Variants in SP4 observed in about 807,000 individuals in gnomAD.
SP4 encodes transcription factor Sp4.
SP4 carries 19 observed loss-of-function variants against 72.8 expected under a neutral mutation model. The ratio of observed to expected loss-of-function variants is 0.26; its 90% CI spans 0.18 to 0.38. The LOEUF is 0.38. Ranked by LOEUF, SP4 falls within the 10% of genes least tolerant of loss-of-function variation. The probability of loss-of-function intolerance (pLI) is 1.00; values close to 1 mark genes in which losing one functional copy is unlikely to be tolerated. For missense variants in SP4, 1,008 were observed against 926.3 expected (o/e 1.09, Z -1.14); for synonymous variants, 395 against 333.1 (o/e 1.19, Z -2.02).
chr7:21,430,090 A>C lies in SP4; in HGVS notation c.925A>C (p.Thr309Pro). 3.1e-6 allele frequency: 5 copies of C among 1,614,140 alleles called. No individual in the cohort carries two copies. The highest frequency in any genetic ancestry group is 4.2e-6 in the Non-Finnish European group (5 of 1,180,044). ...QLVSTPTNTT[T>P]SASTMPESPS... ...AGTTTCCACACCCACCAACACCACTACTTCTGCCAGTACTATGCCAGAATC... is the reference window on the plus strand; with the variant it reads ...AGTTTCCACACCCACCAACACCACTCCTTCTGCCAGTACTATGCCAGAATC... The change falls in exon 3 of 6, where the codon ACT (threonine) becomes CCT (proline). Residue 309 changes from threonine (T) to proline (P), a missense_variant. Around this residue, in one of 3 missense-constraint regions of SP4, gnomAD observed 893 missense variants for 743.3 expected, o/e 1.20. Transcript: ENST00000222584.
intron 5 of SP4, among the ~76,000 whole-genome samples, chr7:21,504,318 GT>G (rs1481342467): frequency 6.6e-6 from 1 of 152,160 alleles, no homozygotes; most frequent in Non-Finnish European, 1.5e-5. Context: ...TTTCAAAAGT[GT>G]GTTCCAACCC....
At position 21,465,563 on chromosome 7, in the gene SP4, G is replaced by A. The variant is rs142297908; in HGVS notation, c.1679-11516G>A. Among the ~76,000 whole-genome samples, 10 of 152,328 alleles carry A rather than the reference G, an allele frequency of 6.6e-5. No individual in the cohort carries two copies. In the South Asian group the frequency reaches 1.0e-3, roughly 16 times the overall value. On this transcript the variant is annotated intron_variant, in intron 3 of 5. Transcript: ENST00000222584. ...GCCATTTAGTAAATTGAGTAAGTGC[G>A]AGTGATTATTGTGTGGCAGGTATTC... is the stretch of plus-strand genomic sequence containing the variant.
intron 5 of SP4, among the ~76,000 whole-genome samples, chr7:21,506,995 T>TGAGACTTCTTGCC (rs1218449584): frequency 1.3e-5 from 2 of 152,164 alleles, no homozygotes; most frequent in Non-Finnish European, 2.9e-5. Context: ...GTTTGGCTGG[T>TGAGACTTCTTGCC]GAGACTTCTT....
intron 4 of SP4, among the ~76,000 whole-genome samples, chr7:21,479,929 G>A (rs901896528): frequency 6.6e-6 from 1 of 152,006 alleles, no homozygotes; most frequent in Admixed American, 6.5e-5. Flanking sequence ...ATTTTTTAAT[G>A]TATTAATCTT....
chr7:21,507,894 C>T (rs973463451), intron 5 of SP4, among the ~76,000 whole-genome samples: 1 of 152,168 alleles, frequency 6.6e-6, no homozygotes, highest in East Asian at 1.9e-4. Context: ...CACGGGAGAA[C>T]GGAACCATGG....
intron 5 of SP4, among the ~76,000 whole-genome samples, chr7:21,490,982 A>G (rs1381602291): frequency 1.3e-5 from 2 of 152,230 alleles, no homozygotes; most frequent in African/African-American, 4.8e-5. Flanking sequence ...AGTCTCTGCA[A>G]TATAATGTCC....
intron 5 of SP4, among the ~76,000 whole-genome samples, chr7:21,492,598 A>T (rs977557703): frequency 6.6e-6 from 1 of 152,238 alleles, no homozygotes; most frequent in African/African-American, 2.4e-5. Flanking sequence ...AAAATGGAGA[A>T]AAGGGAAAAT....
intron 5 of SP4, among the ~76,000 whole-genome samples, chr7:21,506,692 T>G (rs1272007751): frequency 6.6e-6 from 1 of 152,210 alleles, no homozygotes; most frequent in Non-Finnish European, 1.5e-5. Flanking sequence ...CATCAATCTT[T>G]TGTAATTTTT....
At chr7:21,486,627 G>C (rs544923929) in intron 5 of SP4, among the ~76,000 whole-genome samples, 2 of 152,208 alleles carry the variant, frequency 1.3e-5, no homozygotes, top group African/African-American at 2.4e-5. Context: ...TAGCACATTA[G>C]TGTCTTTCTC....
Position 21,428,105 on chromosome 7 carries a change from C to G in SP4, c.-147C>G, listed in dbSNP as rs1782674381. The G allele has an allele frequency of 5.8e-6, 4 of 683,930 alleles. No individual in the cohort carries two copies. The East Asian group carries it at 1.1e-4, about 19-fold the overall frequency. The allele number at this position is 683,930 out of a possible 1,614,324, so 42.4% of individuals were successfully genotyped here. ...GCCACAGCCCAGCGGCGGCCATTCG[C>G]GGAAAAAGAGGCAGAGCCTGTGCCA... is the stretch of plus-strand genomic sequence containing the variant. On this transcript the variant is annotated 5_prime_UTR_variant, in exon 1 of 6. Coordinates refer to ENST00000222584, the MANE Select transcript of SP4 (RefSeq NM_003112.5).
intron 3 of SP4, among the ~76,000 whole-genome samples, chr7:21,441,736 T>C (rs1783251007): frequency 6.6e-6 from 1 of 152,240 alleles, no homozygotes; most frequent in Non-Finnish European, 1.5e-5. Context: ...TTACTAAATA[T>C]AAAAAACAGC....
chr7:21,497,844 G>T (rs919323321), intron 5 of SP4, among the ~76,000 whole-genome samples: 5 of 152,148 alleles, frequency 3.3e-5, no homozygotes, highest in African/African-American at 1.2e-4. Context: ...GTTGATAATT[G>T]CTACAGGAAA....
intron 4 of SP4, among the ~76,000 whole-genome samples, chr7:21,480,909 C>CT (rs959913702): frequency 3.3e-5 from 5 of 152,142 alleles, no homozygotes; most frequent in Non-Finnish European, 7.4e-5. Context: ...ATTTGGAGCT[C>CT]TTTGTTTTAT....
chr7:21,499,492 C>T (rs1175117677), intron 5 of SP4, among the ~76,000 whole-genome samples: 1 of 152,132 alleles, frequency 6.6e-6, no homozygotes, highest in African/African-American at 2.4e-5. Flanking sequence ...TGAAGCAGTG[C>T]AGCTACAAAC....
intron 4 of SP4, among the ~76,000 whole-genome samples, chr7:21,477,896 C>T (rs954506388): frequency 2.0e-5 from 3 of 152,080 alleles, no homozygotes; most frequent in African/African-American, 4.8e-5. Context: ...AAAACTCATT[C>T]GTACACCATA....
chr7:21,476,252 C>A (rs531025719), intron 3 of SP4, among the ~76,000 whole-genome samples: 313 of 120,532 alleles, frequency 2.6e-3, no homozygotes, highest in African/African-American at 9.8e-3. Flanking sequence ...CCAGCCTGGG[C>A]GACAGAGCAA....
At position 21,430,460 on chromosome 7, in the gene SP4, C is replaced by G; in HGVS notation, c.1295C>G (p.Thr432Arg). ...TCGTTTCAACTCCAGTCAGGGCAGA[C>G]GATTCAGACCATCCAGCAGCAGCCT... ...PQSFQLQSGQ[T>R]IQTIQQQPLQ... The change falls in exon 3 of 6, where the codon ACG becomes AGG. Residue 432 changes from threonine (T) to arginine (R), a missense_variant. Physicochemically the swap from Thr to Arg is moderately conservative, Grantham distance 71. This residue lies in a region of SP4 where 893 missense variants were observed against 743.3 expected (regional missense o/e 1.20). Coordinates refer to ENST00000222584, the MANE Select transcript of SP4 (RefSeq NM_003112.5). 1 of 1,614,158 alleles carries G rather than the reference C, an allele frequency of 6.2e-7. No individual in the cohort carries two copies. The highest frequency in any genetic ancestry group is 1.1e-5 in the South Asian group (1 of 91,082).
rs937681495 is a variant in SP4 at position 21,443,357 on chromosome 7, C to T, written c.1678+12514C>T. Among the ~76,000 whole-genome samples, 16 of 151,880 alleles carry T rather than the reference C, an allele frequency of 1.1e-4. 1 individual carries two copies. The highest frequency in any genetic ancestry group is 2.2e-4 in the Non-Finnish European group (15 of 67,996). ...CGTAAAAGGAAAAGTGATGAGTAAA[C>T]GGAAATAAAGGGAATTTAAATCTGA... On this transcript the variant is annotated intron_variant, in intron 3 of 5. Transcript: ENST00000222584.
intron 3 of SP4, among the ~76,000 whole-genome samples, chr7:21,474,182 C>T (rs1379657992): frequency 6.6e-6 from 1 of 152,166 alleles, no homozygotes; most frequent in Non-Finnish European, 1.5e-5. Context: ...CCCTCACCCC[C>T]AGACTTAGCT....
Sources: allele counts gnomAD v4.1 joint callset (sites outside exome capture counted in the v4.1 genomes callset), GRCh38; gene constraint gnomAD v4.1.1; regional missense constraint gnomAD v4.1.1; transcripts MANE v1.5; gene names NCBI Gene and HGNC (gene_info 2026-07-23, HGNC 2026-07-21).